CIBAR1: variants seen among roughly 807,000 people sequenced by gnomAD.
CIBAR1 encodes the protein CBY1-interacting BAR domain-containing protein 1.
CIBAR1 carries 25 observed loss-of-function variants against 44.0 expected under a neutral mutation model. That is an observed-to-expected ratio of 0.57 (90% CI 0.41 to 0.79). CIBAR1 has a LOEUF of 0.79. Ranked by LOEUF, CIBAR1 falls within the 30% of genes least tolerant of loss-of-function variation. CIBAR1 has a pLI of 0.00. For synonymous variants in CIBAR1, 115 were observed against 119.0 expected (o/e 0.97, Z 0.22); for missense variants, 278 against 344.8 (o/e 0.81, Z 1.53).
chr8:93,717,394 G>A (rs752582741), intron 6 of CIBAR1, among the ~76,000 whole-genome samples: 7 of 152,178 alleles, frequency 4.6e-5, no homozygotes, highest in African/African-American at 9.7e-5. Flanking sequence ...GCATAATGCC[G>A]TTTATCCATC....
At chr8:93,703,761 T>A (rs1810465313) in intron 3 of CIBAR1, 73 bp downstream of exon 3, 2 of 1,291,866 alleles carry the variant, frequency 1.5e-6, no homozygotes, top group Admixed American at 5.0e-5. Flanking sequence ...ATTGTTTTTT[T>A]AAATAAGAAA....
chr8:93,728,083 T>C (rs980805217), intron 8 of CIBAR1, 122 bp from the exon 9 acceptor site: 3 of 486,300 alleles, frequency 6.2e-6, no homozygotes, highest in African/African-American at 2.1e-5. Flanking sequence ...CTAAAAATTA[T>C]GACATGGACA....
At chr8:93,707,952 A>G in intron 4 of CIBAR1, 59 bp from the exon 5 acceptor site, 1 of 1,186,920 alleles carries the variant, frequency 8.4e-7, no homozygotes. Flanking sequence ...ATATAAATTT[A>G]TTGAAAAAGC....
intron 8 of CIBAR1, chr8:93,727,171 G>A: frequency 1.6e-6 from 2 of 1,289,260 alleles, no homozygotes; most frequent in Non-Finnish European, 2.0e-6. Flanking sequence ...CTGATCTAGA[G>A]AGCTATGCCC....
chr8:93,704,719 A>C (rs910714302), intron 3 of CIBAR1, among the ~76,000 whole-genome samples, 190 bp from the exon 4 acceptor site: 23 of 152,224 alleles, frequency 1.5e-4, no homozygotes, highest in African/African-American at 5.3e-4. Flanking sequence ...TTTTGAGAGA[A>C]TATTAAACAC....
At chr8:93,701,496 G>T in intron 2 of CIBAR1, 38 bp downstream of exon 2, 3 of 1,559,770 alleles carry the variant, frequency 1.9e-6, no homozygotes, top group Non-Finnish European at 1.8e-6. Context: ...TTATGAATGA[G>T]CCATGAAGTA....
At chr8:93,722,980 T>C (rs1440166736) in intron 7 of CIBAR1, among the ~76,000 whole-genome samples, 1 of 152,148 alleles carries the variant, frequency 6.6e-6, no homozygotes, top group Non-Finnish European at 1.5e-5. Flanking sequence ...TAATGAGTCA[T>C]TGCATTTATT....
At chr8:93,700,775 C>T in intron 1 of CIBAR1, 102 bp downstream of exon 1, 1 of 1,376,216 alleles carries the variant, frequency 7.3e-7, no homozygotes. Flanking sequence ...GAATTCCGAC[C>T]CTGAGTGGGA....
chr8:93,727,598 C>T (rs1249516198), intron 8 of CIBAR1, among the ~76,000 whole-genome samples: 3 of 152,162 alleles, frequency 2.0e-5, no homozygotes, highest in African/African-American at 7.2e-5. Flanking sequence ...TAGCATCCCC[C>T]GCCTCTACCT....
intron 6 of CIBAR1, among the ~76,000 whole-genome samples, chr8:93,712,970 G>A (rs1376381465): frequency 6.7e-6 from 1 of 149,360 alleles, no homozygotes; most frequent in East Asian, 2.0e-4. Context: ...TTGGCCATTT[G>A]TGTATATCTG....
rs1238642136 is a variant in CIBAR1 at position 93,731,439 on chromosome 8, T to G, written c.*3142T>G. On this transcript the variant is annotated 3_prime_UTR_variant, in exon 9 of 9. Transcript: ENST00000518322. ...TGCTTGGTTTGGATATTCCAAACAA[T>G]CAATTTAACATTATCCTAGCTACTT... The G allele has an allele frequency of 6.6e-6, 1 of 152,246 alleles. No homozygotes were observed. The highest frequency in any genetic ancestry group is 1.5e-5 in the Non-Finnish European group (1 of 68,046). 9.4% of individuals were successfully genotyped at this position (152,246 alleles called of 1,614,324 possible).
intron 7 of CIBAR1, 81 bp downstream of exon 7, chr8:93,718,869 C>A: frequency 2.9e-6 from 2 of 691,882 alleles, no homozygotes; most frequent in African/African-American, 1.9e-5. Context: ...TGATTAATAT[C>A]TTTTTTTTTT....
chr8:93,701,148 T>C (rs1224019815), intron 1 of CIBAR1, 76 bp from the exon 2 acceptor site: 13 of 1,535,752 alleles, frequency 8.5e-6, no homozygotes, highest in Admixed American at 8.0e-5. Flanking sequence ...CCGGGGAATG[T>C]TTGCATGTTA....
chr8:93,730,279 G>T lies in CIBAR1; in HGVS notation c.*1982G>T, dbSNP rs1281330982. 6.6e-6 allele frequency: 1 copy of T among 152,142 alleles called. No individual in the cohort carries two copies. Among genetic ancestry groups the T allele is most frequent in the Non-Finnish European group, 1.5e-5 (1 of 68,024 alleles). 9.4% of individuals were successfully genotyped at this position (152,142 alleles called of 1,614,324 possible). A position where few individuals can be genotyped will look rare whatever the true frequency, so the allele number is the denominator to read the frequency against. On this transcript the variant is annotated 3_prime_UTR_variant, in exon 9 of 9. Coordinates refer to ENST00000518322, the MANE Select transcript of CIBAR1 (RefSeq NM_145269.5). ...GTCACTACTTAACAGGTGATATATG[G>T]ATCAAGAATCACTGCTCTTAACAGT...
intron 8 of CIBAR1, among the ~76,000 whole-genome samples, chr8:93,726,951 C>CT (rs745572431): frequency 2.0e-5 from 3 of 152,146 alleles, no homozygotes; most frequent in Non-Finnish European, 4.4e-5. Context: ...ATCCAGAAAG[C>CT]TTGAGTTTCC....
intron 7 of CIBAR1, chr8:93,724,379 G>T: frequency 2.9e-6 from 1 of 342,356 alleles, no homozygotes; most frequent in East Asian, 8.8e-5. Flanking sequence ...ATGCTGGCGT[G>T]CAGTGGCACA....
intron 2 of CIBAR1, chr8:93,701,762 A>G (rs569868347): frequency 3.9e-5 from 13 of 333,898 alleles, no homozygotes; most frequent in African/African-American, 2.3e-4. Context: ...GGGGGAAGAA[A>G]ATAAGCATAA....
intron 5 of CIBAR1, 98 bp downstream of exon 5, chr8:93,708,114 A>G: frequency 2.2e-6 from 2 of 903,858 alleles, no homozygotes; most frequent in Non-Finnish European, 3.2e-6. Flanking sequence ...AGCAAAAGCT[A>G]AATGTCACAG....
chr8:93,718,698 A>C lies in CIBAR1; in HGVS notation c.567A>C (p.Thr189=), dbSNP rs1416045614. The change falls in exon 7 of 9, where the codon ACA becomes ACC. Residue 189 remains threonine (T), a synonymous_variant. Transcript: ENST00000518322. ...DIKTIFSEFI[T]IEMLFHGKAL... is the part of the protein sequence containing the mutation. ...AGACTATATTTTCTGAATTTATCACAATCGAAATGTTATTTCACGGCAAAG... is the reference window on the plus strand; with the variant it reads ...AGACTATATTTTCTGAATTTATCACCATCGAAATGTTATTTCACGGCAAAG... 1 of 1,553,472 alleles carries C rather than the reference A, an allele frequency of 6.4e-7. No individual in the cohort carries two copies. Among genetic ancestry groups the C allele is most frequent in the Non-Finnish European group, 8.7e-7 (1 of 1,147,198 alleles).
Sources: gnomAD v4.1 joint callset for allele counts (sites outside exome capture counted in the v4.1 genomes callset) on GRCh38, gnomAD v4.1.1 for gene constraint, MANE v1.5 for transcripts, NCBI Gene and HGNC (gene_info 2026-07-23, HGNC 2026-07-21) for gene names.